The following MAF variants were observed in gnomAD, a reference collection of about 807,000 sequenced individuals.
MAF encodes transcription factor Maf.
Under a neutral mutation model 22.0 loss-of-function variants are expected in MAF, and 10 were observed. The ratio of observed to expected loss-of-function variants is 0.45; its 90% CI spans 0.28 to 0.77. MAF has a LOEUF of 0.77. MAF is among the 30% of genes least tolerant of loss of function. The pLI is 0.12. For synonymous variants in MAF, 337 were observed against 255.8 expected, an observed-to-expected ratio of 1.32 and a Z score of -3.03; for missense variants, 544 against 548.4, an observed-to-expected ratio of 0.99 and a Z score of 0.08.
chr16:79,323,465 A>G, the MAF span, among the ~76,000 whole-genome samples: 1 of 152,222 alleles, frequency 6.6e-6, no homozygotes, highest in Non-Finnish European at 1.5e-5. Context: ...TTTTACAGAC[A>G]AATTAAAAAG....
the MAF span, among the ~76,000 whole-genome samples, chr16:79,373,413 C>T: frequency 1.3e-4 from 13 of 101,546 alleles, no homozygotes; most frequent in East Asian, 3.2e-4. Context: ...GACACAGTCT[C>T]GCTCTGTCTC....
chr16:79,235,165 A>C, the MAF span, among the ~76,000 whole-genome samples: 1 of 152,078 alleles, frequency 6.6e-6, no homozygotes, highest in African/African-American at 2.4e-5. Flanking sequence ...AAAGTGGCAT[A>C]TCCAGAATTT....
chr16:79,571,592 G>T, the MAF span, among the ~76,000 whole-genome samples: 3 of 144,732 alleles, frequency 2.1e-5, no homozygotes, highest in Non-Finnish European at 4.5e-5. Context: ...CCATAAAATG[G>T]GAAACTGTTA....
chr16:79,598,337 G>A, intron 1 of MAF: 2 of 1,106,976 alleles, frequency 1.8e-6, no homozygotes, highest in Non-Finnish European at 2.2e-6. Flanking sequence ...AACTGAAGGG[G>A]AAGAAGAAGA....
the MAF span, among the ~76,000 whole-genome samples, chr16:79,395,328 G>T: frequency 9.8e-5 from 15 of 152,310 alleles, 1 homozygote; most frequent in African/African-American, 3.6e-4. Flanking sequence ...CCACAGTGAG[G>T]GAGCATAGGT....
chr16:79,257,948 A>G, the MAF span, among the ~76,000 whole-genome samples: 1 of 152,192 alleles, frequency 6.6e-6, no homozygotes, highest in Non-Finnish European at 1.5e-5. Context: ...TTTCCTTTCT[A>G]AACTCTGCCA....
the MAF span, among the ~76,000 whole-genome samples, chr16:79,566,330 G>GT: frequency 1.3e-5 from 2 of 152,170 alleles, no homozygotes; most frequent in Non-Finnish European, 2.9e-5. Flanking sequence ...ACAAAAGGCT[G>GT]TAAGAGCTGA....
chr16:79,290,572 T>C, the MAF span, among the ~76,000 whole-genome samples: 3 of 150,826 alleles, frequency 2.0e-5, no homozygotes, highest in East Asian at 2.1e-4. Context: ...TGTGTGTACA[T>C]TATCTAATCC....
the MAF span, among the ~76,000 whole-genome samples, chr16:79,228,282 A>G: frequency 6.6e-6 from 1 of 152,084 alleles, no homozygotes; most frequent in African/African-American, 2.4e-5. Flanking sequence ...AAAATATGCC[A>G]TCTACAAGGA....
the MAF span, chr16:79,202,795 CAA>C: frequency 7.9e-5 from 12 of 152,156 alleles, no homozygotes; most frequent in East Asian, 1.9e-3. Flanking sequence ...CATAGGGAAA[CAA>C]GAGAAAGATC....
At chr16:79,290,759 G>A in the MAF span, among the ~76,000 whole-genome samples, 2 of 151,850 alleles carry the variant, frequency 1.3e-5, no homozygotes, top group South Asian at 2.1e-4. Flanking sequence ...CTAGAATACC[G>A]TCCAACTCCC....
chr16:79,405,233 T>C, the MAF span, among the ~76,000 whole-genome samples: 1 of 152,212 alleles, frequency 6.6e-6, no homozygotes, highest in Non-Finnish European at 1.5e-5. Context: ...TCTGAGATAC[T>C]ACCCTTTGAG....
chr16:79,533,783 C>T, the MAF span, among the ~76,000 whole-genome samples: 52 of 152,250 alleles, frequency 3.4e-4, no homozygotes, highest in Non-Finnish European at 6.3e-4. Flanking sequence ...ATTAGCTCTG[C>T]GTGTGAGGAT....
At chr16:79,387,455 G>C in the MAF span, among the ~76,000 whole-genome samples, 1 of 152,228 alleles carries the variant, frequency 6.6e-6, no homozygotes, top group Admixed American at 6.5e-5. Context: ...GTCAATGCAT[G>C]AGTCCCAGTG....
the MAF span, among the ~76,000 whole-genome samples, chr16:79,510,174 T>G: frequency 6.6e-6 from 1 of 152,214 alleles, no homozygotes; most frequent in Non-Finnish European, 1.5e-5. Context: ...GTATGGATTG[T>G]GAGTTAAAGG....
At chr16:79,540,585 T>C in the MAF span, among the ~76,000 whole-genome samples, 1 of 152,162 alleles carries the variant, frequency 6.6e-6, no homozygotes, top group South Asian at 2.1e-4. Context: ...ATTGGCATGG[T>C]CAACTGGCTA....
chr16:79,295,969 G>A, the MAF span, among the ~76,000 whole-genome samples: 207 of 152,314 alleles, frequency 1.4e-3, no homozygotes, highest in African/African-American at 4.7e-3. Flanking sequence ...CTCACCTCCT[G>A]CGGTCTGTAA....
At chr16:79,417,275 C>G in the MAF span, among the ~76,000 whole-genome samples, 2 of 152,026 alleles carry the variant, frequency 1.3e-5, no homozygotes, top group African/African-American at 2.4e-5. Context: ...TGAACTACAC[C>G]GACATAAACC....
At chr16:79,202,824 C>G in the MAF span, 2 of 152,064 alleles carry the variant, frequency 1.3e-5, no homozygotes, top group African/African-American at 2.4e-5. Flanking sequence ...TATTTACAGT[C>G]TACATAGGGG....
Sources: allele counts gnomAD v4.1 joint callset (sites outside exome capture counted in the v4.1 genomes callset), GRCh38; gene constraint gnomAD v4.1.1; transcripts MANE v1.5; gene names NCBI Gene and HGNC (gene_info 2026-07-23, HGNC 2026-07-21).